The following TMEM132C variants were observed in gnomAD, a reference collection of about 807,000 sequenced individuals.
TMEM132C encodes the protein protein phosphatase 1, regulatory subunit 152.
A neutral mutation model predicts 61.4 loss-of-function variants in TMEM132C; 29 were observed. The observed-to-expected ratio is 0.47, with a 90% CI of 0.35 to 0.64. The LOEUF is 0.64. TMEM132C is among the 30% of genes least tolerant of loss of function. The pLI, the probability that TMEM132C is intolerant of heterozygous loss-of-function variation, is 0.00. For synonymous variants in TMEM132C, 656 were observed against 633.1 expected, an observed-to-expected ratio of 1.04 and a Z score of -0.54; for missense variants, 1,408 against 1,476.9, an observed-to-expected ratio of 0.95 and a Z score of 0.76.
At chr12:128,411,652 G>A (rs1868554712) in intron 1 of TMEM132C, among the ~76,000 whole-genome samples, 1 of 152,044 alleles carries the variant, frequency 6.6e-6, no homozygotes, top group Non-Finnish European at 1.5e-5. Flanking sequence ...GTTTCTTTTA[G>A]TGAAGAATGG....
intron 5 of TMEM132C, among the ~76,000 whole-genome samples, chr12:128,690,405 G>C (rs1358740646): frequency 6.6e-6 from 1 of 152,174 alleles, no homozygotes; most frequent in Admixed American, 6.5e-5. Context: ...AATGCATCCT[G>C]AGATGTCCCC....
intron 2 of TMEM132C, among the ~76,000 whole-genome samples, chr12:128,527,709 G>GTC (rs1565963100): frequency 6.7e-6 from 1 of 149,238 alleles, no homozygotes; most frequent in Non-Finnish European, 1.5e-5. Context: ...GTGCATGTAT[G>GTC]TGTGTGTGTG....
chr12:128,502,459 T>G (rs1872215033), intron 2 of TMEM132C, among the ~76,000 whole-genome samples: 1 of 152,220 alleles, frequency 6.6e-6, no homozygotes, highest in South Asian at 2.1e-4. Context: ...TTTCTTTAAC[T>G]TGGTTACGAT....
Position 128,294,488 on chromosome 12 carries a change from A to G in TMEM132C, c.85+27001A>G, listed in dbSNP as rs1043555720. ...TGGAGAAATGGCTGGTGGCACTCTG[A>G]GCATGGGAAGAAATTTGATATTTTA... On this transcript the variant is annotated intron_variant, in intron 1 of 8. Transcript: ENST00000435159. Among the ~76,000 whole-genome samples the G allele has an allele frequency of 3.3e-5, 5 of 152,186 alleles. No individual in the cohort carries two copies. In the South Asian group the frequency reaches 1.0e-3, roughly 32 times the overall value.
Position 128,640,410 on chromosome 12 carries a change from G to A in TMEM132C, c.1305+24075G>A, listed in dbSNP as rs1325542040. ...ACATGCTGTATGATTCCATTTATGTGAGATTACAGAAGGGGTAAATCCACA... is the reference window on the plus strand; with the variant it reads ...ACATGCTGTATGATTCCATTTATGTAAGATTACAGAAGGGGTAAATCCACA... On this transcript the variant is annotated intron_variant, in intron 4 of 8. Coordinates refer to ENST00000435159, the MANE Select transcript of TMEM132C (RefSeq NM_001136103.3). Among the ~76,000 whole-genome samples, 6 of 152,246 alleles carry A rather than the reference G, an allele frequency of 3.9e-5. No homozygotes were observed. In the East Asian group the frequency reaches 1.2e-3, roughly 29 times the overall value.
At chr12:128,419,459 T>C (rs549418148) in intron 2 of TMEM132C, among the ~76,000 whole-genome samples, 2 of 152,306 alleles carry the variant, frequency 1.3e-5, no homozygotes, top group Admixed American at 1.3e-4. Flanking sequence ...ACCATGGAAT[T>C]GCACAGTGTA....
rs145949730 is a variant in TMEM132C at position 128,434,697 on chromosome 12, G to A, written c.974+19077G>A. On this transcript the variant is annotated intron_variant, in intron 2 of 8. Transcript: ENST00000435159. ...GGCTCACTGCAACCTCTGCCTCCGG[G>A]GTTCAAGCAATTATTCTGCCTCAGC... 1.2e-4 allele frequency among the ~76,000 whole-genome samples: 18 copies of A among 152,158 alleles called. No homozygotes were observed. The East Asian group carries it at 3.3e-3, about 28-fold the overall frequency.
intron 1 of TMEM132C, among the ~76,000 whole-genome samples, chr12:128,300,472 T>C (rs770451899): frequency 9.9e-5 from 15 of 152,172 alleles, no homozygotes; most frequent in Non-Finnish European, 2.1e-4. Flanking sequence ...TTTTTTCTTC[T>C]GTGAAGAAAG....
chr12:128,643,697 A>ATAAAACATGT (rs1456181967), intron 4 of TMEM132C, among the ~76,000 whole-genome samples: 2 of 152,236 alleles, frequency 1.3e-5, no homozygotes, highest in African/African-American at 4.8e-5. Flanking sequence ...TGTTGATAAT[A>ATAAAACATGT]TAAAACATGT....
At chr12:128,346,317 A>G (rs147313723) in intron 1 of TMEM132C, among the ~76,000 whole-genome samples, 236 of 152,256 alleles carry the variant, frequency 1.6e-3, no homozygotes, top group Non-Finnish European at 2.6e-3. Context: ...CCTGTAATGT[A>G]CTTTGAAGTC....
chr12:128,382,027 G>A (rs1284934272), intron 1 of TMEM132C, among the ~76,000 whole-genome samples: 1 of 149,838 alleles, frequency 6.7e-6, no homozygotes, highest in East Asian at 2.0e-4. Flanking sequence ...TCCATTTTTG[G>A]TTTTGTTATT....
In TMEM132C at chr12:128,269,558, G is replaced by T. The variant is rs116136888; in HGVS notation, c.85+2071G>T. On this transcript the variant is annotated intron_variant, in intron 1 of 8. Transcript: ENST00000435159. ...CGAAGCCCCACCCCTATCCCAAACCGCCTCTGCCCTCTAGCTAAGTGCAAC... is the reference window on the plus strand; with the variant it reads ...CGAAGCCCCACCCCTATCCCAAACCTCCTCTGCCCTCTAGCTAAGTGCAAC... Among the ~76,000 whole-genome samples, 6 of 152,070 alleles carry T rather than the reference G, an allele frequency of 3.9e-5. No homozygotes were observed. In the East Asian group the frequency reaches 1.2e-3, roughly 29 times the overall value.
At chr12:128,398,671 A>C (rs1421399577) in intron 1 of TMEM132C, among the ~76,000 whole-genome samples, 1 of 152,232 alleles carries the variant, frequency 6.6e-6, no homozygotes, top group Admixed American at 6.5e-5. Flanking sequence ...TGAATTACTC[A>C]ATCTCTCTGG....
chr12:128,605,403 T>G (rs1321101346), intron 3 of TMEM132C, among the ~76,000 whole-genome samples: 1 of 152,164 alleles, frequency 6.6e-6, no homozygotes, highest in Non-Finnish European at 1.5e-5. Context: ...GGTTTTCAGT[T>G]GATTGGATGA....
chr12:128,549,356 G>A (rs767247471), intron 3 of TMEM132C, among the ~76,000 whole-genome samples: 8 of 152,070 alleles, frequency 5.3e-5, no homozygotes, highest in Non-Finnish European at 8.8e-5. Context: ...CCAGACATAC[G>A]GGGTGGGTGA....
chr12:128,344,489 T>C (rs558292594), intron 1 of TMEM132C, among the ~76,000 whole-genome samples: 40 of 152,188 alleles, frequency 2.6e-4, no homozygotes, highest in Non-Finnish European at 5.1e-4. Context: ...GGTATAGTCC[T>C]AAAAGTGGAA....
At chr12:128,580,723 GT>G (rs1486402214) in intron 3 of TMEM132C, among the ~76,000 whole-genome samples, 1 of 152,134 alleles carries the variant, frequency 6.6e-6, no homozygotes, top group African/African-American at 2.4e-5. Flanking sequence ...TATAGCGACA[GT>G]CCCCACCGCT....
chr12:128,501,601 A>C (rs1872183115), intron 2 of TMEM132C, among the ~76,000 whole-genome samples: 1 of 152,222 alleles, frequency 6.6e-6, no homozygotes, highest in Admixed American at 6.5e-5. Context: ...CTCTACCAGA[A>C]GTTTCTGGAA....
intron 4 of TMEM132C, among the ~76,000 whole-genome samples, chr12:128,637,516 C>T (rs930634574): frequency 1.3e-5 from 2 of 152,232 alleles, no homozygotes; most frequent in South Asian, 2.1e-4. Flanking sequence ...GTGTAAGCCT[C>T]TGTATTTACC....
Sources: gnomAD v4.1 joint callset for allele counts (sites outside exome capture counted in the v4.1 genomes callset) on GRCh38, gnomAD v4.1.1 for gene constraint, MANE v1.5 for transcripts, NCBI Gene and HGNC (gene_info 2026-07-23, HGNC 2026-07-21) for gene names.